The following CLCA2 variants were observed in gnomAD, a reference collection of about 807,000 sequenced individuals.
CLCA2 encodes chloride channel accessory 2, also known as calcium-activated chloride channel regulator 2.
CLCA2 carries 85 observed loss-of-function variants against 82.9 expected under a neutral mutation model. That is an observed-to-expected ratio of 1.03 (90% CI 0.86 to 1.23). CLCA2 has a LOEUF of 1.23. Among genes scored for constraint, CLCA2 ranks in the 50% most tolerant of loss-of-function variants. CLCA2 has a pLI of 0.00. For missense variants in CLCA2, 1,089 were observed against 1,124.8 expected (o/e 0.97, Z 0.45); for synonymous variants, 421 against 391.7 (o/e 1.07, Z -0.88).
At chr1:86,454,887 T>TC (rs1489787220) in intron 13 of CLCA2, among the ~76,000 whole-genome samples, 198 bp from the exon 14 acceptor site, 2 of 112,074 alleles carry the variant, frequency 1.8e-5, no homozygotes, top group African/African-American at 7.2e-5. Flanking sequence ...ATCTTGCTTT[T>TC]CAAAAAAAAA....
At chr1:86,447,425 T>G in intron 10 of CLCA2, 83 bp from the exon 11 acceptor site, 2 of 1,442,448 alleles carry the variant, frequency 1.4e-6, no homozygotes, top group South Asian at 2.6e-5. Context: ...AGAGCAAAAT[T>G]CTCCAGAAGT....
chr1:86,440,292 G>A lies in CLCA2; in HGVS notation c.1348G>A (p.Ala450Thr), dbSNP rs974721364. The change falls in exon 8 of 14, where the codon GCC becomes ACC. Residue 450 changes from alanine (A) to threonine (T), a missense_variant. Transcript: ENST00000370565. ...IHSIALGSSA[A>T]PNLEELSRLT... is the part of the protein sequence containing the mutation. Reference sequence around the variant, plus strand: ...CTCCATTGCCCTGGGTTCATCTGCAGCCCCAAATCTGGAGGAATTATCACG... The same window carrying A: ...CTCCATTGCCCTGGGTTCATCTGCAACCCCAAATCTGGAGGAATTATCACG... 1.9e-6 allele frequency: 3 copies of A among 1,613,814 alleles called. No individual in the cohort carries two copies. Among genetic ancestry groups the A allele is most frequent in the African/African-American group, 2.7e-5 (2 of 74,896 alleles).
chr1:86,439,123 T>A lies in CLCA2; in HGVS notation c.1203+17T>A. On this transcript the variant is annotated intron_variant, in intron 7 of 13. Transcript: ENST00000370565. ...GGATTTGAGGTACAGTAGAGCATCC[T>A]AAGCCTTGGATCACCATCATTTTCC... 6.2e-7 allele frequency: 1 copy of A among 1,605,616 alleles called. No individual in the cohort carries two copies. Among genetic ancestry groups the A allele is most frequent in the Non-Finnish European group, 8.5e-7 (1 of 1,172,328 alleles).
Position 86,428,462 on chromosome 1 carries a change from T to C in CLCA2, c.369T>C (p.Asp123=), listed in dbSNP as rs748934303. 1 of 1,613,424 alleles carries C rather than the reference T, an allele frequency of 6.2e-7. No homozygotes were observed. Among genetic ancestry groups the C allele is most frequent in the Non-Finnish European group, 8.5e-7 (1 of 1,179,620 alleles). The part of the protein sequence containing the change: ...VTDWYGAHGD[D]PYTLQYRGCG... ...ACTGGTATGGGGCACATGGAGATGA[T>C]CCATACACCCTACAATACAGAGGGT... is the stretch of plus-strand genomic sequence containing the variant. The change falls in exon 3 of 14, where the codon GAT becomes GAC. Residue 123 remains aspartate (D), a synonymous_variant. Transcript: ENST00000370565.
chr1:86,445,290 C>A (rs1220414968), intron 10 of CLCA2: 2 of 150,724 alleles, frequency 1.3e-5, no homozygotes, highest in African/African-American at 2.4e-5. Flanking sequence ...CCTTCTGAAG[C>A]ACAAATCAGT....
chr1:86,436,572 C>T (rs141893756), intron 6 of CLCA2, among the ~76,000 whole-genome samples: 2 of 152,188 alleles, frequency 1.3e-5, no homozygotes, highest in Non-Finnish European at 2.9e-5. Context: ...TCCCCTTGTG[C>T]TCTGTGGATC....
At chr1:86,435,386 C>A (rs963975161) in intron 6 of CLCA2, among the ~76,000 whole-genome samples, 2 of 152,220 alleles carry the variant, frequency 1.3e-5, no homozygotes, top group South Asian at 4.1e-4. Flanking sequence ...ACATTCTACT[C>A]ACTGGTAAAT....
Position 86,425,466 on chromosome 1 carries a change from C to A in CLCA2, c.314C>A (p.Ser105Ter). 1.9e-6 allele frequency: 3 copies of A among 1,538,810 alleles called. No individual in the cohort carries two copies. The highest frequency in any genetic ancestry group is 2.6e-5 in the South Asian group (2 of 77,730). The change falls in exon 2 of 14, where the codon TCA (serine) becomes TAA (stop). Residue 105 changes from serine (S) to a stop codon, truncating the protein, a stop_gained. Coordinates refer to ENST00000370565, the MANE Select transcript of CLCA2 (RefSeq NM_006536.7). LOFTEE classifies it high-confidence loss of function. ...AATAACAGCAAAATAAAACAAGAAT[C>A]ATATGAAAAGGTAAGAATCCAGGAT... Reference protein sequence around the residue: ...ANNNSKIKQESYEKANVIVTD... With the variant: ...ANNNSKIKQE
chr1:86,443,794 G>A lies in CLCA2; in HGVS notation c.1496G>A (p.Ser499Asn). ...DIFQQHIQLE[S>N]TGENVKPHHQ... ...ATATCTTCTCTTTAACAGCTTGAAAGTACAGGTGAAAATGTCAAACCTCAC... is the reference window on the plus strand; with the variant it reads ...ATATCTTCTCTTTAACAGCTTGAAAATACAGGTGAAAATGTCAAACCTCAC... The change falls in exon 10 of 14, where the codon AGT (serine) becomes AAT (asparagine). Residue 499 changes from serine (S) to asparagine (N), a missense_variant. Transcript: ENST00000370565. 6.2e-7 allele frequency: 1 copy of A among 1,612,810 alleles called. No individual in the cohort carries two copies. The highest frequency in any genetic ancestry group is 1.1e-5 in the South Asian group (1 of 90,984).
intron 10 of CLCA2, among the ~76,000 whole-genome samples, chr1:86,446,216 C>CTTTTTTTTTTTT (rs3086658): frequency 9.2e-6 from 1 of 108,520 alleles, no homozygotes; most frequent in Non-Finnish European, 1.8e-5. Context: ...GCTGTGGGAA[C>CTTTTTTTTTTTT]TTTTTTTTTT....
intron 10 of CLCA2, among the ~76,000 whole-genome samples, chr1:86,444,946 G>A (rs528431066): frequency 1.3e-5 from 2 of 151,864 alleles, no homozygotes; most frequent in South Asian, 4.2e-4. Context: ...ACCCAGGCGG[G>A]AGTGCAGTGG....
intron 6 of CLCA2, 99 bp downstream of exon 6, chr1:86,434,844 A>T (rs2101696469): frequency 1.0e-6 from 1 of 992,304 alleles, no homozygotes; most frequent in East Asian, 2.6e-5. Flanking sequence ...CATGTGCAGG[A>T]CGTTCAAGTT....
chr1:86,444,766 T>C (rs1662811712), intron 10 of CLCA2, among the ~76,000 whole-genome samples: 1 of 152,142 alleles, frequency 6.6e-6, no homozygotes, highest in Non-Finnish European at 1.5e-5. Flanking sequence ...GGGGCTTGAA[T>C]CCTGAAAGTG....
intron 5 of CLCA2, among the ~76,000 whole-genome samples, chr1:86,433,040 G>A (rs1662532068): frequency 6.6e-6 from 1 of 152,142 alleles, no homozygotes. Context: ...CAAGAGACTA[G>A]CATATAAATC....
At chr1:86,426,037 C>CT (rs993927288) in intron 2 of CLCA2, among the ~76,000 whole-genome samples, 22 of 151,386 alleles carry the variant, frequency 1.5e-4, no homozygotes, top group African/African-American at 4.8e-4. Context: ...GAATGGCTAC[C>CT]TTTTTTTTTC....
At chr1:86,451,548 C>T (rs958464657) in intron 12 of CLCA2, among the ~76,000 whole-genome samples, 3 of 152,190 alleles carry the variant, frequency 2.0e-5, no homozygotes, top group African/African-American at 4.8e-5. Flanking sequence ...TTTGCCATTT[C>T]CTGGTTTCTA....
chr1:86,425,000 T>C (rs918732658), intron 1 of CLCA2, among the ~76,000 whole-genome samples: 2 of 152,180 alleles, frequency 1.3e-5, no homozygotes, highest in African/African-American at 4.8e-5. Context: ...ATTGCTTTAG[T>C]GAAATCAGTA....
At chr1:86,452,212 A>G (rs1285684985) in intron 12 of CLCA2, among the ~76,000 whole-genome samples, 1 of 55,342 alleles carries the variant, frequency 1.8e-5, no homozygotes, top group African/African-American at 7.8e-5. Flanking sequence ...ATTTTAAACC[A>G]TGTTTCTTTT....
In CLCA2 at chr1:86,430,980, T is replaced by C; in HGVS notation, c.584+10T>C. The C allele has an allele frequency of 6.5e-7, 1 of 1,550,332 alleles. No homozygotes were observed. Among genetic ancestry groups the C allele is most frequent in the African/African-American group, 1.4e-5 (1 of 73,488 alleles). On this transcript the variant is annotated intron_variant, in intron 4 of 13. Transcript: ENST00000370565. ...AAATTAAAGTGACAAGGTTAGTACTTTTTTTCATGTTATAATTCATTATTT... is the reference window on the plus strand; with the variant it reads ...AAATTAAAGTGACAAGGTTAGTACTCTTTTTCATGTTATAATTCATTATTT...
Sources: gnomAD v4.1 joint callset for allele counts (sites outside exome capture counted in the v4.1 genomes callset) on GRCh38, gnomAD v4.1.1 for gene constraint, MANE v1.5 for transcripts, NCBI Gene and HGNC (gene_info 2026-07-23, HGNC 2026-07-21) for gene names.